GABRG2: variants seen among roughly 807,000 people sequenced by gnomAD.
GABRG2 encodes the protein gamma-aminobutyric acid receptor subunit gamma-2.
Under a neutral mutation model 56.4 loss-of-function variants are expected in GABRG2, and 16 were observed. The observed-to-expected ratio is 0.28, with a 90% CI of 0.19 to 0.43. GABRG2 has a LOEUF of 0.43. GABRG2 is among the 20% of genes least tolerant of loss of function. GABRG2 has a pLI of 1.00. For synonymous variants in GABRG2, 208 were observed against 205.5 expected, an observed-to-expected ratio of 1.01 and a Z score of -0.10; for missense variants, 327 against 582.7, an observed-to-expected ratio of 0.56 and a Z score of 4.52.
In GABRG2 at chr5:162,067,840, A is replaced by G. The variant is rs1327085791; in HGVS notation, c.-160A>G. The stretch of plus-strand genomic sequence containing the variant: ...ATCTTATCTCTGCCCCCTGAATATT[A>G]ATTCCCTAATCTGGTAGCAATCCAT... On this transcript the variant is annotated 5_prime_UTR_variant, in exon 1 of 10. Coordinates refer to ENST00000639213, the MANE Select transcript of GABRG2 (RefSeq NM_198904.4). 6.1e-6 allele frequency: 4 copies of G among 652,894 alleles called. No homozygotes were observed. The highest frequency in any genetic ancestry group is 1.1e-5 in the Non-Finnish European group (4 of 367,642). The allele number at this position is 652,894 out of a possible 1,614,324, so 40.4% of individuals were successfully genotyped here.
chr5:162,098,988 G>A (rs141880597), intron 4 of GABRG2: 1 of 152,094 alleles, frequency 6.6e-6, no homozygotes, highest in African/African-American at 2.4e-5. Context: ...GATTAACATA[G>A]AGCCTGATAT....
chr5:162,118,547 A>G (rs182498551), intron 6 of GABRG2, among the ~76,000 whole-genome samples: 22 of 152,284 alleles, frequency 1.4e-4, no homozygotes, highest in Non-Finnish European at 5.9e-5. Flanking sequence ...TCTGGCTTTA[A>G]GTCCCAGGTA....
At chr5:162,091,307 G>T (rs1274001724) in intron 1 of GABRG2, among the ~76,000 whole-genome samples, 1 of 151,622 alleles carries the variant, frequency 6.6e-6, no homozygotes, top group Non-Finnish European at 1.5e-5. Flanking sequence ...AATAATATTT[G>T]TTCCATTATT....
At chr5:162,147,828 C>A (rs1466314835) in intron 7 of GABRG2, among the ~76,000 whole-genome samples, 3 of 152,096 alleles carry the variant, frequency 2.0e-5, no homozygotes, top group Admixed American at 6.6e-5. Flanking sequence ...ATAACAAAAC[C>A]TGGTAAAAGT....
intron 6 of GABRG2, among the ~76,000 whole-genome samples, chr5:162,114,626 A>C (rs1031733845): frequency 1.3e-5 from 2 of 152,188 alleles, no homozygotes; most frequent in Non-Finnish European, 2.9e-5. Flanking sequence ...TGCTAAAACT[A>C]TGACTTAACC....
intron 2 of GABRG2, chr5:162,094,847 A>T (rs944524637): frequency 3.3e-5 from 5 of 152,316 alleles, no homozygotes; most frequent in African/African-American, 9.7e-5. Context: ...TATACTACAG[A>T]TTTTTAATAT....
At chr5:162,084,456 G>A (rs1759899690) in intron 1 of GABRG2, among the ~76,000 whole-genome samples, 1 of 151,854 alleles carries the variant, frequency 6.6e-6, no homozygotes, top group Admixed American at 6.6e-5. Flanking sequence ...AGAAAGTCCA[G>A]GTGGTTCTAT....
chr5:162,135,411 T>G (rs1053530849), intron 6 of GABRG2, among the ~76,000 whole-genome samples: 3 of 152,206 alleles, frequency 2.0e-5, no homozygotes, highest in African/African-American at 7.2e-5. Flanking sequence ...TCTAGAATTT[T>G]CTTCATGTCA....
intron 7 of GABRG2, among the ~76,000 whole-genome samples, chr5:162,145,311 A>G (rs1235722367): frequency 6.6e-6 from 1 of 152,180 alleles, no homozygotes; most frequent in African/African-American, 2.4e-5. Context: ...ACAATGAATG[A>G]AATGAAAATA....
Position 162,151,728 on chromosome 5 carries a change from AG to A in GABRG2, c.1129-1del, listed in dbSNP as rs1213279234. 6.2e-7 allele frequency: 1 copy of A among 1,610,840 alleles called. No individual in the cohort carries two copies. Among genetic ancestry groups the A allele is most frequent in the African/African-American group, 1.3e-5 (1 of 74,888 alleles). On this transcript the variant is annotated splice_acceptor_variant, in intron 8 of 9. Coordinates refer to ENST00000639213, the MANE Select transcript of GABRG2 (RefSeq NM_198904.4). LOFTEE classifies it high-confidence loss of function. The stretch of plus-strand genomic sequence containing the variant: ...TTCTCTTTTCTGTCTACAAACCCAA[AG>A]CTTCTTCGGATGTTTTCCTTCAAGG...
chr5:162,150,416 CTT>C (rs944592020), intron 8 of GABRG2: 1 of 152,220 alleles, frequency 6.6e-6, no homozygotes, highest in African/African-American at 2.4e-5. Flanking sequence ...TGCAACCAAA[CTT>C]TAAATAGTGA....
Position 162,097,583 on chromosome 5 carries a change from TA to T in GABRG2, c.328-50del, listed in dbSNP as rs1761091370. 6 of 1,313,428 alleles carry T rather than the reference TA, an allele frequency of 4.6e-6. No homozygotes were observed. The East Asian group carries it at 1.4e-4, about 31-fold the overall frequency. The allele number at this position is 1,313,428 out of a possible 1,614,324, so 81.4% of individuals were successfully genotyped here. A position where few individuals can be genotyped will look rare whatever the true frequency, so the allele number is the denominator to read the frequency against. On this transcript the variant is annotated intron_variant, in intron 3 of 9. Transcript: ENST00000639213. ...AACAGGAATGAAATATACCAATATTTAAAAAGATAATCTTACTGTGTACAAA... is the reference window on the plus strand; with the variant it reads ...AACAGGAATGAAATATACCAATATTTAAAAGATAATCTTACTGTGTACAAA...
At chr5:162,067,708 A>ATGAG, upstream of GABRG2, 1 of 604,772 alleles carries the variant, frequency 1.7e-6, no homozygotes, top group African/African-American at 1.9e-5. Context: ...TTGTCTCCGT[A>ATGAG]TGAGTCTCTC....
chr5:162,129,377 A>T (rs1436765071), intron 6 of GABRG2: 1 of 152,014 alleles, frequency 6.6e-6, no homozygotes, highest in Non-Finnish European at 1.5e-5. Flanking sequence ...TATCTTTCTT[A>T]ACGTGAAAAA....
intron 6 of GABRG2, among the ~76,000 whole-genome samples, chr5:162,123,861 A>G (rs1763139430): frequency 6.6e-6 from 1 of 151,968 alleles, no homozygotes; most frequent in Non-Finnish European, 1.5e-5. Context: ...CCACTGTGTT[A>G]ATGTTTTTGT....
chr5:162,133,326 G>A (rs1010504980), intron 6 of GABRG2, among the ~76,000 whole-genome samples: 4 of 152,076 alleles, frequency 2.6e-5, no homozygotes, highest in Non-Finnish European at 5.9e-5. Context: ...TTAGCAATAA[G>A]TTTGTTTATT....
At position 162,153,191 on chromosome 5, in the gene GABRG2, G is replaced by C; in HGVS notation, c.1251G>C (p.Leu417=). ...ATGAAGAGTACGGCTATGAGTGTCT[G>C]GACGGCAAGGACTGTGCCAGTTTTT... ...ERDEEYGYEC[L]DGKDCASFFC... Residue 417 remains leucine (L), a synonymous_variant, in exon 10 of 10, where the codon CTG becomes CTC. Coordinates refer to ENST00000639213, the MANE Select transcript of GABRG2 (RefSeq NM_198904.4). 2 of 1,614,066 alleles carry C rather than the reference G, an allele frequency of 1.2e-6. No individual in the cohort carries two copies. Among genetic ancestry groups the C allele is most frequent in the Non-Finnish European group, 8.5e-7 (1 of 1,179,982 alleles).
At chr5:162,141,987 C>T (rs1309044020) in intron 6 of GABRG2, among the ~76,000 whole-genome samples, 177 bp from the exon 7 acceptor site, 1 of 152,096 alleles carries the variant, frequency 6.6e-6, no homozygotes, top group Admixed American at 6.6e-5. Flanking sequence ...GGATTCAGTT[C>T]AGGTTGTGTT....
Position 162,153,536 on chromosome 5 carries a change from C to T in GABRG2, c.*168C>T. ...TGTCATATTGTTTGTGCCCAGCCCTCCTTTGGTTAGTGTACTTTGAACTTC... is the reference window on the plus strand; with the variant it reads ...TGTCATATTGTTTGTGCCCAGCCCTTCTTTGGTTAGTGTACTTTGAACTTC... On this transcript the variant is annotated 3_prime_UTR_variant, in exon 10 of 10. Transcript: ENST00000639213. 1 of 844,718 alleles carries T rather than the reference C, an allele frequency of 1.2e-6. No homozygotes were observed. The highest frequency in any genetic ancestry group is 1.9e-6 in the Non-Finnish European group (1 of 524,966). 52.3% of individuals were successfully genotyped at this position (844,718 alleles called of 1,614,324 possible).
Sources: gnomAD v4.1 joint callset for allele counts (sites outside exome capture counted in the v4.1 genomes callset) on GRCh38, gnomAD v4.1.1 for gene constraint, MANE v1.5 for transcripts, NCBI Gene and HGNC (gene_info 2026-07-23, HGNC 2026-07-21) for gene names.